RALGAPA2: variants seen among roughly 807,000 people sequenced by gnomAD.
RALGAPA2 encodes the protein Ral GTPase activating protein catalytic subunit alpha 2, also known as ral GTPase-activating protein subunit alpha-2.
Under a neutral mutation model 230.4 loss-of-function variants are expected in RALGAPA2, and 139 were observed. The observed-to-expected ratio is 0.60, with a 90% CI of 0.53 to 0.69. The LOEUF (loss-of-function observed/expected upper bound fraction) is 0.69, where lower values mean the gene tolerates loss of function less well. RALGAPA2 is among the 30% of genes least tolerant of loss of function. The pLI, the probability that RALGAPA2 is intolerant of heterozygous loss-of-function variation, is 0.00. For synonymous variants in RALGAPA2, 847 were observed against 837.8 expected, an observed-to-expected ratio of 1.01 and a Z score of -0.19; for missense variants, 2,163 against 2,276.0, an observed-to-expected ratio of 0.95 and a Z score of 1.01.
At position 20,390,416 on chromosome 20, in the gene RALGAPA2, T is replaced by C. The variant is rs2059585225; in HGVS notation, c.*2873A>G. ...ATTTTTTAAAGTACGAAAGCCTAAGTACAATGAGACGATAAACATCAGCTT... is the reference window on the plus strand; with the variant it reads ...ATTTTTTAAAGTACGAAAGCCTAAGCACAATGAGACGATAAACATCAGCTT... On this transcript the variant is annotated 3_prime_UTR_variant, in exon 40 of 40. Transcript: ENST00000202677. 6.6e-6 allele frequency: 1 copy of C among 152,224 alleles called. No homozygotes were observed. The highest frequency in any genetic ancestry group is 1.5e-5 in the Non-Finnish European group (1 of 68,048). 9.4% of individuals were successfully genotyped at this position (152,224 alleles called of 1,614,324 possible). A position where few individuals can be genotyped will look rare whatever the true frequency, so the allele number is the denominator to read the frequency against.
chr20:20,461,614 A>C (rs1207471998), intron 37 of RALGAPA2, among the ~76,000 whole-genome samples: 1 of 152,192 alleles, frequency 6.6e-6, no homozygotes, highest in African/African-American at 2.4e-5. Context: ...AGACCCCAAA[A>C]TCTATTCTGT....
chr20:20,612,954 G>A (rs1223409943), intron 13 of RALGAPA2, among the ~76,000 whole-genome samples: 2 of 152,190 alleles, frequency 1.3e-5, no homozygotes, highest in East Asian at 1.9e-4. Flanking sequence ...AACAGACATC[G>A]TAAGTTTCAA....
intron 25 of RALGAPA2, 140 bp downstream of exon 25, chr20:20,536,516 G>C: frequency 1.0e-6 from 1 of 969,886 alleles, no homozygotes; most frequent in Non-Finnish European, 1.5e-6. Context: ...TAGTCTTCTA[G>C]AAACAACTAC....
At chr20:20,452,326 A>C (rs1023786071) in intron 37 of RALGAPA2, among the ~76,000 whole-genome samples, 24 of 152,330 alleles carry the variant, frequency 1.6e-4, no homozygotes, top group African/African-American at 5.8e-4. Context: ...GGAGGGGTTA[A>C]AAGTGTGGGT....
At chr20:20,571,409 A>G in intron 23 of RALGAPA2, 49 bp downstream of exon 23, 4 of 1,532,240 alleles carry the variant, frequency 2.6e-6, no homozygotes, top group Non-Finnish European at 3.6e-6. Flanking sequence ...AAAGAGTGAT[A>G]TGCTATTTCC....
intron 9 of RALGAPA2, among the ~76,000 whole-genome samples, chr20:20,632,967 T>G (rs1055165627): frequency 1.3e-5 from 2 of 152,058 alleles, no homozygotes; most frequent in African/African-American, 4.8e-5. Context: ...TTTTTTTTTT[T>G]AAATAAAGTC....
chr20:20,648,797 A>T (rs2067301165), intron 4 of RALGAPA2, among the ~76,000 whole-genome samples: 1 of 152,178 alleles, frequency 6.6e-6, no homozygotes, highest in Non-Finnish European at 1.5e-5. Flanking sequence ...ATGGCATGTA[A>T]AAGGGACAGA....
intron 4 of RALGAPA2, among the ~76,000 whole-genome samples, chr20:20,651,717 G>A (rs1254732472): frequency 6.6e-6 from 1 of 152,190 alleles, no homozygotes; most frequent in Admixed American, 6.5e-5. Context: ...TTCATGCTGT[G>A]AAGAGCCTAC....
chr20:20,691,733 G>A (rs1169116674), intron 1 of RALGAPA2, among the ~76,000 whole-genome samples: 1 of 152,180 alleles, frequency 6.6e-6, no homozygotes, highest in Non-Finnish European at 1.5e-5. Flanking sequence ...AGGAAGGGGA[G>A]CCTAGAATCC....
chr20:20,453,388 G>A (rs759925275), intron 37 of RALGAPA2, among the ~76,000 whole-genome samples: 2 of 152,108 alleles, frequency 1.3e-5, no homozygotes, highest in African/African-American at 4.8e-5. Context: ...ATGAGACAGC[G>A]ATAAGAAGGG....
chr20:20,626,081 C>T (rs909012786), intron 10 of RALGAPA2, among the ~76,000 whole-genome samples: 3 of 152,206 alleles, frequency 2.0e-5, no homozygotes, highest in Admixed American at 6.5e-5. Flanking sequence ...CTGCAGCATA[C>T]ACACACACCT....
chr20:20,577,988 C>T (rs1166420951), intron 20 of RALGAPA2, among the ~76,000 whole-genome samples: 1 of 152,034 alleles, frequency 6.6e-6, no homozygotes, highest in African/African-American at 2.4e-5. Context: ...TTCAACCTGC[C>T]AACGAATATG....
chr20:20,418,759 G>C (rs1199300686), intron 37 of RALGAPA2, among the ~76,000 whole-genome samples: 2 of 117,388 alleles, frequency 1.7e-5, no homozygotes, highest in African/African-American at 6.6e-5. Context: ...TTTATTTATA[G>C]ACAGGGTCTC....
chr20:20,400,798 G>A (rs551651033), intron 38 of RALGAPA2, among the ~76,000 whole-genome samples: 1 of 152,272 alleles, frequency 6.6e-6, no homozygotes, highest in East Asian at 1.9e-4. Flanking sequence ...CCATCAACTG[G>A]TGAATGGACC....
chr20:20,692,964 C>G (rs1211090380), intron 1 of RALGAPA2, among the ~76,000 whole-genome samples: 2 of 152,212 alleles, frequency 1.3e-5, no homozygotes, highest in Admixed American at 1.3e-4. Context: ...TGTAGGCAGA[C>G]AGCTGAAATA....
chr20:20,637,782 A>T (rs922462676), intron 7 of RALGAPA2, among the ~76,000 whole-genome samples: 8 of 152,212 alleles, frequency 5.3e-5, no homozygotes, highest in Admixed American at 1.3e-4. Flanking sequence ...TATCATGCCC[A>T]TATTTTTTCT....
intron 13 of RALGAPA2, among the ~76,000 whole-genome samples, chr20:20,613,398 A>G (rs192481874): frequency 1.3e-5 from 2 of 152,238 alleles, no homozygotes; most frequent in East Asian, 3.9e-4. Context: ...GTTATTCCCT[A>G]TTTCAGGACC....
intron 31 of RALGAPA2, among the ~76,000 whole-genome samples, chr20:20,516,943 T>C (rs1265100656): frequency 1.3e-5 from 2 of 152,164 alleles, no homozygotes; most frequent in African/African-American, 2.4e-5. Context: ...GCAGACACAA[T>C]TGCAGTGCTG....
intron 37 of RALGAPA2, among the ~76,000 whole-genome samples, chr20:20,456,555 T>C (rs1271386091): frequency 1.3e-5 from 2 of 152,206 alleles, no homozygotes; most frequent in African/African-American, 2.4e-5. Context: ...AAAGTGCTAT[T>C]GTGAAGAAGC....
Sources: gnomAD v4.1 joint callset for allele counts (sites outside exome capture counted in the v4.1 genomes callset) on GRCh38, gnomAD v4.1.1 for gene constraint, MANE v1.5 for transcripts, NCBI Gene and HGNC (gene_info 2026-07-23, HGNC 2026-07-21) for gene names.